The following CCDC27 variants were observed in gnomAD, a reference collection of about 807,000 sequenced individuals.
The protein encoded by CCDC27 is coiled-coil domain-containing protein 27.
CCDC27 carries 80 observed loss-of-function variants against 80.3 expected under a neutral mutation model. That is an observed-to-expected ratio of 1.00 (90% CI 0.83 to 1.20). The LOEUF is 1.20. Among genes scored for constraint, CCDC27 ranks in the 50% most tolerant of loss-of-function variants. The pLI, the probability that CCDC27 is intolerant of heterozygous loss-of-function variation, is 0.00. For synonymous variants in CCDC27, 342 were observed against 334.3 expected (o/e 1.02, Z -0.25); for missense variants, 815 against 809.4 (o/e 1.01, Z -0.08).
chr1:3,754,942 C>T (rs1475547093), intron 2 of CCDC27, among the ~76,000 whole-genome samples: 1 of 152,134 alleles, frequency 6.6e-6, no homozygotes, highest in Non-Finnish European at 1.5e-5. Context: ...CAGGCCCCCA[C>T]TGCCTCAGCA....
In CCDC27 at chr1:3,763,892, T is replaced by C. The variant is rs1238836741; in HGVS notation, c.1452+56T>C. 7 of 1,593,274 alleles carry C rather than the reference T, an allele frequency of 4.4e-6. No individual in the cohort carries two copies. Among genetic ancestry groups the C allele is most frequent in the Middle Eastern group, 3.9e-4 (2 of 5,170 alleles). On this transcript the variant is annotated intron_variant, in intron 8 of 11. Coordinates refer to ENST00000294600, the MANE Select transcript of CCDC27 (RefSeq NM_152492.3). The surrounding 1 kb of genome is among the most constrained non-coding windows in gnomAD (Gnocchi z 7.5). ...CCATGAGCATGGGCCCCAGGCTTCA[T>C]TAACCCCCGGCAGCTCGGGGCAGGC...
intron 8 of CCDC27, among the ~76,000 whole-genome samples, chr1:3,765,349 T>C (rs545196323): frequency 9.2e-5 from 14 of 152,320 alleles, no homozygotes; most frequent in African/African-American, 2.4e-4. Flanking sequence ...ATCTGTTGTA[T>C]TGGGCACTCA....
intron 4 of CCDC27, among the ~76,000 whole-genome samples, chr1:3,758,156 G>T (rs1327188893): frequency 6.6e-6 from 1 of 152,126 alleles, no homozygotes; most frequent in Non-Finnish European, 1.5e-5. Context: ...TGTGTCTGGG[G>T]ATTCCTCACA....
chr1:3,761,248 G>T lies in CCDC27; in HGVS notation c.712-33G>T. 1 of 1,607,790 alleles carries T rather than the reference G, an allele frequency of 6.2e-7. No homozygotes were observed. Among genetic ancestry groups the T allele is most frequent in the Non-Finnish European group, 8.5e-7 (1 of 1,176,572 alleles). On this transcript the variant is annotated intron_variant, in intron 4 of 11. Transcript: ENST00000294600. This position sits in a 1 kb window ranked among gnomAD's most constrained non-coding sequence, Gnocchi z 5.0. Reference sequence around the variant, plus strand: ...CAGGGGAAGAGTGTGTGGCTGCATGGCCCACGGGGGCTGCCCTTGGTTTTC... The same window carrying T: ...CAGGGGAAGAGTGTGTGGCTGCATGTCCCACGGGGGCTGCCCTTGGTTTTC...
chr1:3,771,153 A>T (rs1643351992), intron 11 of CCDC27, among the ~76,000 whole-genome samples: 1 of 152,130 alleles, frequency 6.6e-6, no homozygotes, highest in Non-Finnish European at 1.5e-5. Flanking sequence ...CGTGGCTGAA[A>T]ATCAGCCACT....
In CCDC27 at chr1:3,760,162, C is replaced by T. The variant is rs916306838; in HGVS notation, c.712-1119C>T. 1.2e-4 allele frequency among the ~76,000 whole-genome samples: 18 copies of T among 152,200 alleles called. No individual in the cohort carries two copies. Among genetic ancestry groups the T allele is most frequent in the African/African-American group, 3.9e-4 (16 of 41,436 alleles). On this transcript the variant is annotated intron_variant, in intron 4 of 11. Coordinates refer to ENST00000294600, the MANE Select transcript of CCDC27 (RefSeq NM_152492.3). The surrounding 1 kb of genome is among the most constrained non-coding windows in gnomAD (Gnocchi z 4.3). ...ACTATTTTGAGACGTGCAAGTGTCT[C>T]GGGACCATGGCTTGGGTGATGAAAT...
intron 4 of CCDC27, among the ~76,000 whole-genome samples, chr1:3,757,482 C>A (rs573908487): frequency 1.3e-5 from 2 of 151,562 alleles, no homozygotes; most frequent in South Asian, 4.2e-4. Flanking sequence ...ACTCTGTCAC[C>A]CAGGCTGGAG....
intron 1 of CCDC27, among the ~76,000 whole-genome samples, chr1:3,753,766 T>C (rs934321546): frequency 6.6e-6 from 1 of 152,208 alleles, no homozygotes; most frequent in Non-Finnish European, 1.5e-5. Context: ...GGAGAGTGGC[T>C]TAGTGCCTGT....
In CCDC27 at chr1:3,769,945, T is replaced by C; in HGVS notation, c.1848+58T>C. ...GCCCCAGACCCCCAGGCCAGAGCTG[T>C]GGTAGGGGGTTGTGGGGGGCCTAGA... On this transcript the variant is annotated intron_variant, in intron 11 of 11. Transcript: ENST00000294600. The surrounding 1 kb of genome is among the most constrained non-coding windows in gnomAD (Gnocchi z 4.6). The C allele has an allele frequency of 7.9e-7, 1 of 1,267,700 alleles. No individual in the cohort carries two copies. Among genetic ancestry groups the C allele is most frequent in the Non-Finnish European group, 1.2e-6 (1 of 864,720 alleles). 78.5% of individuals were successfully genotyped at this position (1,267,700 alleles called of 1,614,324 possible). A position where few individuals can be genotyped will look rare whatever the true frequency, so the allele number is the denominator to read the frequency against.
Position 3,767,438 on chromosome 1 carries a change from A to G in CCDC27, c.1736A>G (p.Gln579Arg). The G allele has an allele frequency of 1.2e-6, 2 of 1,610,874 alleles. No homozygotes were observed. The highest frequency in any genetic ancestry group is 1.7e-6 in the Non-Finnish European group (2 of 1,178,808). ...QHTRVALESS[Q>R]SRLERLRNKI... Reference sequence around the variant, plus strand: ...ACCCGCGTGGCCCTGGAGAGCTCCCAGTCCAGGGTATGCCCAGCCCTTCCT... The same window carrying G: ...ACCCGCGTGGCCCTGGAGAGCTCCCGGTCCAGGGTATGCCCAGCCCTTCCT... The change falls in exon 10 of 12, where the codon CAG becomes CGG. Residue 579 changes from glutamine to arginine, a missense_variant. By Grantham distance (43) the Gln-to-Arg change is conservative (BLOSUM62 1). Transcript: ENST00000294600.
rs1643311601 is a variant in CCDC27, at chr1:3,769,635, C to T, written c.1744-148C>T. The T allele has an allele frequency of 6.2e-6, 4 of 644,944 alleles. No homozygotes were observed. Among genetic ancestry groups the T allele is most frequent in the East Asian group, 5.5e-5 (2 of 36,694 alleles). 40.0% of individuals were successfully genotyped at this position (644,944 alleles called of 1,614,324 possible). A position where few individuals can be genotyped will look rare whatever the true frequency, so the allele number is the denominator to read the frequency against. ...AGACAATCCACATTGACTTCTCTGA[C>T]ACCTGTTTCCAGTTTCTAAAGCCAT... On this transcript the variant is annotated intron_variant, in intron 10 of 11. Coordinates refer to ENST00000294600, the MANE Select transcript of CCDC27 (RefSeq NM_152492.3). The surrounding 1 kb of genome is among the most constrained non-coding windows in gnomAD (Gnocchi z 4.6).
chr1:3,767,650 C>T (rs539286869), intron 10 of CCDC27, among the ~76,000 whole-genome samples: 2 of 152,296 alleles, frequency 1.3e-5, no homozygotes, highest in South Asian at 2.1e-4. Context: ...CAGAGTAGCC[C>T]GGAAATGTTC....
chr1:3,764,611 A>C (rs921084820), intron 8 of CCDC27, among the ~76,000 whole-genome samples: 2 of 152,248 alleles, frequency 1.3e-5, no homozygotes, highest in African/African-American at 4.8e-5. Context: ...ATACATAAAT[A>C]AAATAAGTTT....
At position 3,756,819 on chromosome 1, in the gene CCDC27, A is replaced by G; in HGVS notation, c.640A>G (p.Ser214Gly). 2 of 1,614,064 alleles carry G rather than the reference A, an allele frequency of 1.2e-6. No homozygotes were observed. Among genetic ancestry groups the G allele is most frequent in the South Asian group, 1.1e-5 (1 of 91,082 alleles). ...RKSQTLSPVT[S>G]SSVASQSCLR... ...ATCCCAGACTTTGAGTCCGGTCACCAGCAGCTCAGTCGCATCTCAGAGCTG... is the reference window on the plus strand; with the variant it reads ...ATCCCAGACTTTGAGTCCGGTCACCGGCAGCTCAGTCGCATCTCAGAGCTG... Residue 214 changes from serine (S) to glycine (G), a missense_variant, in exon 4 of 12, where the codon AGC becomes GGC. Physicochemically the swap from Ser to Gly is moderately conservative, Grantham distance 56. Transcript: ENST00000294600.
rs1643125229 is a variant in CCDC27, at chr1:3,763,028, C to A, written c.955-80C>A. On this transcript the variant is annotated intron_variant, in intron 6 of 11. Transcript: ENST00000294600. This position sits in a 1 kb window ranked among gnomAD's most constrained non-coding sequence, Gnocchi z 7.5. ...CTGGAAGGAGGCGCCCTCCCCGGTG[C>A]CCCCGCCATGAGCATTAGAGCCCTC... is the stretch of plus-strand genomic sequence containing the variant. 1.4e-6 allele frequency: 2 copies of A among 1,415,558 alleles called. No individual in the cohort carries two copies. Among genetic ancestry groups the A allele is most frequent in the Non-Finnish European group, 9.3e-7 (1 of 1,079,872 alleles). 87.7% of individuals were successfully genotyped at this position (1,415,558 alleles called of 1,614,324 possible).
In CCDC27 at chr1:3,771,429, A is replaced by G. The variant is rs1643360658; in HGVS notation, c.1877A>G (p.Tyr626Cys). Residue 626 changes from tyrosine to cysteine, a missense_variant, in exon 12 of 12, where the codon TAT becomes TGT. Transcript: ENST00000294600. ...ATTATCTCAGAGAGAAGCGACTACT[A>G]TAATCAGCTGAAGCAGAAAGGCGTC... ...QRIISERSDYYNQLKQKGVKV... is the reference protein window; with the variant it reads ...QRIISERSDYCNQLKQKGVKV... The G allele has an allele frequency of 1.9e-6, 3 of 1,614,024 alleles. No individual in the cohort carries two copies. Among genetic ancestry groups the G allele is most frequent in the Non-Finnish European group, 1.7e-6 (2 of 1,179,980 alleles).
intron 5 of CCDC27, among the ~76,000 whole-genome samples, 179 bp from the exon 6 acceptor site, chr1:3,762,441 C>T (rs914291770): frequency 3.3e-5 from 5 of 152,166 alleles, no homozygotes; most frequent in African/African-American, 1.2e-4. Context: ...ACTGCCCATC[C>T]GCAGGTTCCT....
chr1:3,763,805 G>A lies in CCDC27; in HGVS notation c.1421G>A (p.Arg474Gln), dbSNP rs148011284. The change falls in exon 8 of 12, where the codon CGG becomes CAG. Residue 474 changes from arginine to glutamine, a missense_variant. Physicochemically the swap from Arg to Gln is conservative, Grantham distance 43. Transcript: ENST00000294600. This position sits in a 1 kb window ranked among gnomAD's most constrained non-coding sequence, Gnocchi z 7.5. ...NETLQKELRE[R>Q]RQQLQAMTDK... ...ACGCTGCAGAAGGAGCTCCGAGAGC[G>A]GAGGCAGCAGCTACAAGCCATGACC... The A allele has an allele frequency of 6.9e-5, 112 of 1,613,736 alleles. No individual in the cohort carries two copies. The highest frequency in any genetic ancestry group is 3.7e-4 in the Admixed American group (22 of 60,032).
chr1:3,755,764 C>T (rs1045153756), intron 3 of CCDC27, 197 bp downstream of exon 3: 4 of 576,490 alleles, frequency 6.9e-6, no homozygotes, highest in African/African-American at 1.9e-5. Flanking sequence ...AGGCTGCAGT[C>T]CCCCCAGGAC....
Sources: gnomAD v4.1 joint callset for allele counts (sites outside exome capture counted in the v4.1 genomes callset) on GRCh38, gnomAD v4.1.1 for gene constraint, Gnocchi (gnomAD v3.1) non-coding constraint, MANE v1.5 for transcripts, NCBI Gene and HGNC (gene_info 2026-07-23, HGNC 2026-07-21) for gene names.